The following SLC15A2 variants were observed in gnomAD, a reference collection of about 807,000 sequenced individuals.
SLC15A2 encodes the protein solute carrier family 15 member 2.
SLC15A2 carries 77 observed loss-of-function variants against 95.5 expected under a neutral mutation model. The observed-to-expected ratio is 0.81, with a 90% CI of 0.67 to 0.97. The LOEUF (loss-of-function observed/expected upper bound fraction) is 0.97, where lower values mean the gene tolerates loss of function less well. Among genes scored for constraint, SLC15A2 ranks in the 50% least tolerant of loss-of-function variants. The probability of loss-of-function intolerance (pLI) is 0.00; values close to 1 mark genes in which losing one functional copy is unlikely to be tolerated. For missense variants in SLC15A2, 893 were observed against 874.4 expected (o/e 1.02, Z -0.27); for synonymous variants, 306 against 306.9 (o/e 1.00, Z 0.03).
Position 121,941,950 on chromosome 3 carries a change from G to A in SLC15A2, c.*943G>A, listed in dbSNP as rs1208890872. 1 of 152,036 alleles carries A rather than the reference G, an allele frequency of 6.6e-6. No individual in the cohort carries two copies. The highest frequency in any genetic ancestry group is 1.9e-4 in the East Asian group (1 of 5,192). The allele number at this position is 152,036 out of a possible 1,614,324, so 9.4% of individuals were successfully genotyped here. ...GCAGCAAATATTCAATAACAACAAT[G>A]TTTCTATAAGTCCAACTTCCTTTAT... On this transcript the variant is annotated 3_prime_UTR_variant, in exon 22 of 22. Transcript: ENST00000489711.
At chr3:121,938,476 T>C (rs904356585) in intron 19 of SLC15A2, among the ~76,000 whole-genome samples, 4 of 152,238 alleles carry the variant, frequency 2.6e-5, no homozygotes, top group Non-Finnish European at 5.9e-5. Flanking sequence ...GTGCGCCGTT[T>C]TTTAAGCCCG....
rs560546004 is a variant in SLC15A2 at position 121,927,531 on chromosome 3, T to C, written c.1125-227T>C. The C allele has an allele frequency of 3.9e-5, 18 of 462,588 alleles. No homozygotes were observed. In the South Asian group the frequency reaches 6.3e-4, roughly 16 times the overall value. The allele number at this position is 462,588 out of a possible 1,614,324, so 28.7% of individuals were successfully genotyped here. A position where few individuals can be genotyped will look rare whatever the true frequency, so the allele number is the denominator to read the frequency against. On this transcript the variant is annotated intron_variant, in intron 13 of 21. Transcript: ENST00000489711. Reference sequence around the variant, plus strand: ...GGCTTCTCCCATGATTGAAAGCTCCTCGATGCTTCACCAGAAGCTGGAAGA... The same window carrying C: ...GGCTTCTCCCATGATTGAAAGCTCCCCGATGCTTCACCAGAAGCTGGAAGA...
intron 19 of SLC15A2, among the ~76,000 whole-genome samples, chr3:121,932,920 C>A (rs1225511604): frequency 6.6e-6 from 1 of 152,100 alleles, no homozygotes; most frequent in Non-Finnish European, 1.5e-5. Context: ...CCTCCGCGCA[C>A]CCCACAACAG....
chr3:121,917,388 TTTAATTAAGA>T, intron 7 of SLC15A2, among the ~76,000 whole-genome samples: 1 of 152,240 alleles, frequency 6.6e-6, no homozygotes, highest in Middle Eastern at 3.4e-3. Flanking sequence ...AGAAGCAATG[TTTAATTAAGA>T]CCTTGAGGGA....
chr3:121,897,242 T>C, intron 2 of SLC15A2, 146 bp from the exon 3 acceptor site: 1 of 848,106 alleles, frequency 1.2e-6, no homozygotes, highest in South Asian at 1.7e-5. Context: ...TGCCTGGCAG[T>C]CACTTCTCAG....
Position 121,942,505 on chromosome 3 carries a change from G to T in SLC15A2, c.*1498G>T, listed in dbSNP as rs949380076. On this transcript the variant is annotated 3_prime_UTR_variant, in exon 22 of 22. Coordinates refer to ENST00000489711, the MANE Select transcript of SLC15A2 (RefSeq NM_021082.4). ...TAACAGATAATGTTACTGTTAACAG[G>T]TAAGAGAAATTGCTCTAAGTGCCCA... The T allele has an allele frequency of 9.9e-5, 15 of 152,166 alleles. No homozygotes were observed. The highest frequency in any genetic ancestry group is 2.1e-4 in the Non-Finnish European group (14 of 68,014). 9.4% of individuals were successfully genotyped at this position (152,166 alleles called of 1,614,324 possible).
intron 14 of SLC15A2, 64 bp downstream of exon 14, chr3:121,927,903 A>T (rs1315159247): frequency 7.9e-7 from 1 of 1,263,712 alleles, no homozygotes; most frequent in Non-Finnish European, 1.2e-6. Flanking sequence ...TGCTCTTTTG[A>T]CTTGTTCAGT....
At chr3:121,928,587 C>G in intron 15 of SLC15A2, 32 bp downstream of exon 15, 2 of 1,605,210 alleles carry the variant, frequency 1.2e-6, no homozygotes, top group Non-Finnish European at 1.7e-6. Flanking sequence ...ATTAGAAACT[C>G]TGTATGCTAT....
chr3:121,901,186 T>G (rs1332336621), intron 3 of SLC15A2, among the ~76,000 whole-genome samples: 5 of 151,972 alleles, frequency 3.3e-5, no homozygotes, highest in Non-Finnish European at 1.5e-5. Flanking sequence ...GCCCGGCTAA[T>G]TTTTGTATTT....
chr3:121,911,441 A>G lies in SLC15A2; in HGVS notation c.336-133A>G, dbSNP rs1709764661. Reference sequence around the variant, plus strand: ...ATTATTGTCTCTATTTGGATTTCTCAGATAATTCTTTCCTCCTCCCTCCTC... The same window carrying G: ...ATTATTGTCTCTATTTGGATTTCTCGGATAATTCTTTCCTCCTCCCTCCTC... On this transcript the variant is annotated intron_variant, in intron 3 of 21. Coordinates refer to ENST00000489711, the MANE Select transcript of SLC15A2 (RefSeq NM_021082.4). The G allele has an allele frequency of 1.4e-5, 9 of 622,590 alleles. No individual in the cohort carries two copies. In the South Asian group the frequency reaches 1.6e-4, roughly 11 times the overall value. 38.6% of individuals were successfully genotyped at this position (622,590 alleles called of 1,614,324 possible).
chr3:121,928,541 A>G lies in SLC15A2; in HGVS notation c.1327A>G (p.Ile443Val), dbSNP rs1710167549. ...NENNSLLIES[I>V]KSFQKTPHYS... is the part of the protein sequence containing the mutation. Reference sequence around the variant, plus strand: ...AAACAATTCTCTGTTGATAGAGTCCATCAAATCCTTTCAGGTGAGGTGTGT... The same window carrying G: ...AAACAATTCTCTGTTGATAGAGTCCGTCAAATCCTTTCAGGTGAGGTGTGT... The change falls in exon 15 of 22, where the codon ATC becomes GTC. Residue 443 changes from isoleucine to valine, a missense_variant. Coordinates refer to ENST00000489711, the MANE Select transcript of SLC15A2 (RefSeq NM_021082.4). The G allele has an allele frequency of 1.2e-6, 2 of 1,614,114 alleles. No homozygotes were observed. Among genetic ancestry groups the G allele is most frequent in the Non-Finnish European group, 1.7e-6 (2 of 1,179,964 alleles).
At chr3:121,921,114 A>G (rs1709996817) in intron 7 of SLC15A2, among the ~76,000 whole-genome samples, 1 of 152,262 alleles carries the variant, frequency 6.6e-6, no homozygotes, top group Non-Finnish European at 1.5e-5. Context: ...TGGTTAAAGG[A>G]CAGAGATATG....
At chr3:121,928,336 C>A in intron 14 of SLC15A2, 85 bp from the exon 15 acceptor site, 1 of 1,488,422 alleles carries the variant, frequency 6.7e-7, no homozygotes, top group Non-Finnish European at 9.1e-7. Context: ...GTGGACTAGG[C>A]TGTCAGAAAC....
At chr3:121,900,713 T>C (rs1709504373) in intron 3 of SLC15A2, among the ~76,000 whole-genome samples, 1 of 152,136 alleles carries the variant, frequency 6.6e-6, no homozygotes, top group Admixed American at 6.5e-5. Context: ...CACCCTTTCA[T>C]GTCCAAACCC....
chr3:121,927,792 G>A lies in SLC15A2; in HGVS notation c.1159G>A (p.Ala387Thr). 6.2e-7 allele frequency: 1 copy of A among 1,613,886 alleles called. No individual in the cohort carries two copies. The highest frequency in any genetic ancestry group is 8.5e-7 in the Non-Finnish European group (1 of 1,179,818). Reference protein sequence around the residue: ...LRKMAVGMILACLAFAVAAAV... With the variant: ...LRKMAVGMILTCLAFAVAAAV... Reference sequence around the variant, plus strand: ...GAAAATGGCTGTTGGTATGATCCTAGCATGCCTGGCATTTGCAGTTGCGGC... The same window carrying A: ...GAAAATGGCTGTTGGTATGATCCTAACATGCCTGGCATTTGCAGTTGCGGC... The change falls in exon 14 of 22, where the codon GCA becomes ACA. Residue 387 changes from alanine to threonine, a missense_variant. Transcript: ENST00000489711.
At chr3:121,937,816 G>T (rs545549187) in intron 19 of SLC15A2, among the ~76,000 whole-genome samples, 1 of 152,174 alleles carries the variant, frequency 6.6e-6, no homozygotes, top group South Asian at 2.1e-4. Flanking sequence ...GAGGAACTGC[G>T]TTCCTTTGGA....
intron 19 of SLC15A2, among the ~76,000 whole-genome samples, chr3:121,932,311 A>G (rs985016878): frequency 2.6e-5 from 4 of 152,236 alleles, no homozygotes; most frequent in Non-Finnish European, 4.4e-5. Context: ...ATCTTGAGCC[A>G]TCACTGTGAG....
Position 121,894,439 on chromosome 3 carries a change from C to T in SLC15A2, c.-38C>T. The T allele has an allele frequency of 6.4e-7, 1 of 1,564,036 alleles. No individual in the cohort carries two copies. The highest frequency in any genetic ancestry group is 8.8e-7 in the Non-Finnish European group (1 of 1,141,794). ...AGCTGTCCTAACTGCCTACTAAAGCCAAATGCTTGAGGAGAGAGAGAGAGT... is the reference window on the plus strand; with the variant it reads ...AGCTGTCCTAACTGCCTACTAAAGCTAAATGCTTGAGGAGAGAGAGAGAGT... On this transcript the variant is annotated 5_prime_UTR_variant, in exon 1 of 22. Coordinates refer to ENST00000489711, the MANE Select transcript of SLC15A2 (RefSeq NM_021082.4).
chr3:121,897,990 C>T (rs62271274), intron 3 of SLC15A2, among the ~76,000 whole-genome samples: 5,240 of 151,934 alleles, frequency 0.034, 164 homozygotes, highest in African/African-American at 0.09. Context: ...GGTGAAACCC[C>T]GTCTCTACTA....
Sources: allele counts gnomAD v4.1 joint callset (sites outside exome capture counted in the v4.1 genomes callset), GRCh38; gene constraint gnomAD v4.1.1; transcripts MANE v1.5; gene names NCBI Gene and HGNC (gene_info 2026-07-23, HGNC 2026-07-21).